Variants in ZSCAN5A observed in about 807,000 individuals in gnomAD.
The protein encoded by ZSCAN5A is zinc finger and SCAN domain-containing protein 5A.
A neutral mutation model predicts 23.7 loss-of-function variants in ZSCAN5A; 12 were observed. That is an observed-to-expected ratio of 0.51 (90% confidence interval 0.32 to 0.82). The LOEUF (loss-of-function observed/expected upper bound fraction) is 0.82. ZSCAN5A is among the 40% of genes least tolerant of loss of function. The pLI, the probability that ZSCAN5A is intolerant of heterozygous loss-of-function variation, is 0.03. For missense variants in ZSCAN5A, 597 were observed against 617.9 expected (o/e 0.97, Z 0.36); for synonymous variants, 257 against 239.9 (o/e 1.07, Z -0.66).
At chr19:56,274,180 G>A (rs993216541) in intron 2 of ZSCAN5A, among the ~76,000 whole-genome samples, 16 of 152,052 alleles carry the variant, frequency 1.1e-4, no homozygotes, top group Non-Finnish European at 1.6e-4. Flanking sequence ...GAGGTCGGGC[G>A]CGGTGGCTCA....
upstream of ZSCAN5A, chr19:56,315,687 T>C (rs2147412422): frequency 6.6e-6 from 1 of 152,360 alleles, no homozygotes; most frequent in Non-Finnish European, 1.5e-5. Flanking sequence ...AGTTTCCCTT[T>C]TTGTGAAATA....
At chr19:56,324,368 C>A (rs570987650) in intron 2 of ZSCAN5A, among the ~76,000 whole-genome samples, 16 of 152,110 alleles carry the variant, frequency 1.1e-4, no homozygotes, top group Non-Finnish European at 2.1e-4. Flanking sequence ...TTCAGTTGGT[C>A]AAGAGGTATA....
chr19:56,268,534 G>A (rs2037628279), intron 2 of ZSCAN5A, among the ~76,000 whole-genome samples: 1 of 152,114 alleles, frequency 6.6e-6, no homozygotes, highest in African/African-American at 2.4e-5. Context: ...CCCTATGCTT[G>A]TACTGTTTTC....
At chr19:56,265,231 C>A (rs7260145) in intron 2 of ZSCAN5A, among the ~76,000 whole-genome samples, 2,659 of 151,754 alleles carry the variant, frequency 0.018, 81 homozygotes, top group African/African-American at 0.06. Context: ...TACAAAAAAA[C>A]CATTCTCAGA....
chr19:56,328,931 C>A (rs1436883137), intron 2 of ZSCAN5A, among the ~76,000 whole-genome samples: 6 of 146,936 alleles, frequency 4.1e-5, no homozygotes, highest in African/African-American at 1.5e-4. Flanking sequence ...GGAGGCGGAG[C>A]TTGCAGTGAG....
At chr19:56,258,418 C>T (rs926984326) in intron 2 of ZSCAN5A, among the ~76,000 whole-genome samples, 9 of 132,910 alleles carry the variant, frequency 6.8e-5, no homozygotes, top group East Asian at 4.2e-4. Context: ...GTGGGGGTGA[C>T]GGACACGCCT....
intron 2 of ZSCAN5A, among the ~76,000 whole-genome samples, chr19:56,289,119 A>T (rs1453354193): frequency 2.0e-5 from 3 of 152,152 alleles, no homozygotes; most frequent in Non-Finnish European, 4.4e-5. Context: ...TGGGAAAGGG[A>T]GCCCTGGTTT....
At chr19:56,367,305 T>A (rs1021855718) in intron 1 of ZSCAN5A, 1 of 152,178 alleles carries the variant, frequency 6.6e-6, no homozygotes, top group African/African-American at 2.4e-5. Flanking sequence ...GTGGCTGCAG[T>A]GAGCTATGAT....
intron 2 of ZSCAN5A, among the ~76,000 whole-genome samples, chr19:56,331,841 C>T (rs935780798): frequency 6.6e-6 from 1 of 151,990 alleles, no homozygotes; most frequent in Non-Finnish European, 1.5e-5. Context: ...CCGCCTCGGC[C>T]TCCCAAAGTG....
chr19:56,242,218 G>A (rs1251112247), intron 2 of ZSCAN5A, among the ~76,000 whole-genome samples: 2 of 152,068 alleles, frequency 1.3e-5, no homozygotes, highest in Admixed American at 6.6e-5. Context: ...TGTCTTTTTG[G>A]GAACAGCCAC....
At chr19:56,342,879 C>T in intron 2 of ZSCAN5A, 1 of 968,700 alleles carries the variant, frequency 1.0e-6, no homozygotes, top group Non-Finnish European at 1.7e-6. Flanking sequence ...GCACAGTACC[C>T]ACTTCAGGTA....
chr19:56,361,516 T>C (rs1201260404), intron 2 of ZSCAN5A, among the ~76,000 whole-genome samples: 1 of 152,190 alleles, frequency 6.6e-6, no homozygotes, highest in African/African-American at 2.4e-5. Flanking sequence ...CATGGAGTAC[T>C]ATGCAGCCAT....
At position 56,361,431 on chromosome 19, in the gene ZSCAN5A, A is replaced by G. The variant is rs1337687955; in HGVS notation, c.-358+1804T>C. On this transcript the variant is annotated intron_variant, in intron 2 of 6. Coordinates refer to the ZSCAN5A transcript ENST00000587340. ...GTATGTTCATTGTAACACTATTCAC[A>G]ATTGCAAAGACACGAAATCAACCCA... 2.0e-5 allele frequency among the ~76,000 whole-genome samples: 3 copies of G among 152,254 alleles called. No homozygotes were observed. The East Asian group carries it at 5.8e-4, about 29-fold the overall frequency.
Position 56,322,450 on chromosome 19 carries a change from G to A in ZSCAN5A, c.-357-6182C>T. The A allele has an allele frequency of 7.1e-6, 4 of 565,054 alleles. No individual in the cohort carries two copies. The East Asian group carries it at 1.2e-4, about 16-fold the overall frequency. The allele number at this position is 565,054 out of a possible 1,614,324, so 35.0% of individuals were successfully genotyped here. On this transcript the variant is annotated intron_variant, in intron 2 of 6. Coordinates refer to the ZSCAN5A transcript ENST00000587340. ...CCCGCAACCCCACCATCAGAGCTCAGAGCCCTCGCCTGGCTTTACACTTCA... is the reference window on the plus strand; with the variant it reads ...CCCGCAACCCCACCATCAGAGCTCAAAGCCCTCGCCTGGCTTTACACTTCA...
chr19:56,294,125 C>T (rs1020328108), intron 2 of ZSCAN5A, among the ~76,000 whole-genome samples: 4 of 152,222 alleles, frequency 2.6e-5, no homozygotes, highest in Non-Finnish European at 5.9e-5. Context: ...TCCCAAACAC[C>T]TGCCTAAGGG....
chr19:56,332,187 T>C (rs2041495726), intron 2 of ZSCAN5A, among the ~76,000 whole-genome samples: 1 of 152,156 alleles, frequency 6.6e-6, no homozygotes, highest in Non-Finnish European at 1.5e-5. Context: ...GGCCAATTGG[T>C]CAAGTGTCAG....
chr19:56,258,560 GAC>G (rs1427745831), intron 2 of ZSCAN5A, among the ~76,000 whole-genome samples: 2 of 150,372 alleles, frequency 1.3e-5, no homozygotes, highest in Non-Finnish European at 1.5e-5. Context: ...GGGAGTGACA[GAC>G]ACACTTTCCA....
At chr19:56,322,558 C>T (rs903417957) in intron 2 of ZSCAN5A, among the ~76,000 whole-genome samples, 1 of 152,176 alleles carries the variant, frequency 6.6e-6, no homozygotes, top group African/African-American at 2.4e-5. Flanking sequence ...GATCTTACCT[C>T]TCTGTTCATC....
chr19:56,270,380 T>C (rs766992945), intron 2 of ZSCAN5A, among the ~76,000 whole-genome samples: 2 of 152,078 alleles, frequency 1.3e-5, no homozygotes, highest in East Asian at 1.9e-4. Flanking sequence ...AATCGTGCCA[T>C]TGCAATCCAG....
Sources: allele counts gnomAD v4.1 joint callset (sites outside exome capture counted in the v4.1 genomes callset), GRCh38; gene constraint gnomAD v4.1.1; transcripts MANE v1.5; gene names NCBI Gene and HGNC (gene_info 2026-07-23, HGNC 2026-07-21).